STARD13: variants seen among roughly 807,000 people sequenced by gnomAD.
STARD13 encodes stAR-related lipid transfer protein 13.
STARD13 carries 62 observed loss-of-function variants against 106.4 expected under a neutral mutation model. The observed-to-expected ratio is 0.58, with a 90% CI of 0.48 to 0.72. The LOEUF (loss-of-function observed/expected upper bound fraction) is 0.72. Among genes scored for constraint, STARD13 ranks in the 30% least tolerant of loss-of-function variants. The probability of loss-of-function intolerance (pLI) is 0.00; values close to 1 mark genes in which losing one functional copy is unlikely to be tolerated. For missense variants in STARD13, 1,387 were observed against 1,424.0 expected, an observed-to-expected ratio of 0.97 and a Z score of 0.42; for synonymous variants, 565 against 553.0, an observed-to-expected ratio of 1.02 and a Z score of -0.31.
At chr13:33,413,977 G>C in the STARD13 span, among the ~76,000 whole-genome samples, 1 of 138,634 alleles carries the variant, frequency 7.2e-6, no homozygotes, top group Admixed American at 7.2e-5. Flanking sequence ...AGGTTGCAGT[G>C]AGCCAGGATT....
At chr13:33,330,635 T>C (rs898189703) in intron 1 of STARD13, among the ~76,000 whole-genome samples, 1 of 152,192 alleles carries the variant, frequency 6.6e-6, no homozygotes, top group African/African-American at 2.4e-5. Context: ...CTAAAGTAAC[T>C]ATTGCGCAAA....
intron 1 of STARD13, among the ~76,000 whole-genome samples, chr13:33,310,238 G>C (rs895683298): frequency 1.3e-5 from 2 of 152,114 alleles, no homozygotes; most frequent in East Asian, 1.9e-4. Context: ...AGGTGCTGGT[G>C]GTTCTTCCGG....
chr13:33,445,542 C>G, the STARD13 span, among the ~76,000 whole-genome samples: 1 of 152,050 alleles, frequency 6.6e-6, no homozygotes, highest in Non-Finnish European at 1.5e-5. Context: ...TCTCAAATAA[C>G]CTTTTCCTAA....
At chr13:33,365,598 A>G in the STARD13 span, among the ~76,000 whole-genome samples, 1 of 152,236 alleles carries the variant, frequency 6.6e-6, no homozygotes, top group African/African-American at 2.4e-5. Flanking sequence ...TCTAGAAGAT[A>G]AAATGCCACG....
intron 1 of STARD13, among the ~76,000 whole-genome samples, chr13:33,335,428 T>C (rs989404871): frequency 6.6e-6 from 1 of 152,174 alleles, no homozygotes. Context: ...ACGACACCCA[T>C]GAACTGTGAT....
At chr13:33,284,951 A>G (rs890271927) in intron 1 of STARD13, among the ~76,000 whole-genome samples, 29 of 152,202 alleles carry the variant, frequency 1.9e-4, no homozygotes, top group African/African-American at 6.8e-4. Context: ...ATCTGTGGCA[A>G]CTGCTGACAT....
At chr13:33,606,351 T>C in the STARD13 span, among the ~76,000 whole-genome samples, 1 of 152,222 alleles carries the variant, frequency 6.6e-6, no homozygotes, top group East Asian at 1.9e-4. Flanking sequence ...TATAAGGTTA[T>C]TGTAAGAAAG....
the STARD13 span, among the ~76,000 whole-genome samples, chr13:33,551,841 A>G: frequency 6.6e-6 from 1 of 151,248 alleles, no homozygotes; most frequent in Non-Finnish European, 1.5e-5. Context: ...CAGGTGATCC[A>G]CTCACCTTGG....
chr13:33,452,836 T>C, the STARD13 span, among the ~76,000 whole-genome samples: 1 of 152,244 alleles, frequency 6.6e-6, no homozygotes, highest in Non-Finnish European at 1.5e-5. Context: ...GGAACAGCGA[T>C]GTATATCAAC....
intron 1 of STARD13, among the ~76,000 whole-genome samples, chr13:33,302,605 C>A (rs2138469653): frequency 6.6e-6 from 1 of 152,120 alleles, no homozygotes; most frequent in Middle Eastern, 3.4e-3. Context: ...GTATTTTTGG[C>A]CATGTTGCCC....
the STARD13 span, among the ~76,000 whole-genome samples, chr13:33,645,524 T>C: frequency 6.6e-6 from 1 of 152,182 alleles, no homozygotes; most frequent in African/African-American, 2.4e-5. Flanking sequence ...GATATACCAC[T>C]TTCCTCATTG....
chr13:33,356,714 T>C, the STARD13 span, among the ~76,000 whole-genome samples: 1 of 152,320 alleles, frequency 6.6e-6, no homozygotes, highest in East Asian at 1.9e-4. Flanking sequence ...TTAATTGCTA[T>C]TGTTGTTGTT....
chr13:33,504,727 C>T, the STARD13 span, among the ~76,000 whole-genome samples: 2 of 151,996 alleles, frequency 1.3e-5, no homozygotes, highest in African/African-American at 4.8e-5. Flanking sequence ...GCACGTTGTG[C>T]ACATGTACCC....
chr13:33,277,288 T>C (rs909267422), intron 1 of STARD13: 1 of 152,098 alleles, frequency 6.6e-6, no homozygotes, highest in Admixed American at 6.6e-5. Context: ...CTAATGTGTA[T>C]CTCTTTGCCA....
chr13:33,450,601 A>G, the STARD13 span, among the ~76,000 whole-genome samples: 6 of 152,220 alleles, frequency 3.9e-5, no homozygotes, highest in South Asian at 1.2e-3. Context: ...AGACAGCTCT[A>G]TAACAAAAAG....
At chr13:33,334,817 G>A (rs1020321289) in intron 1 of STARD13, among the ~76,000 whole-genome samples, 2 of 152,134 alleles carry the variant, frequency 1.3e-5, no homozygotes, top group Non-Finnish European at 2.9e-5. Context: ...ACTAACACCT[G>A]GAAAGGTTGT....
At chr13:33,360,199 G>T in the STARD13 span, among the ~76,000 whole-genome samples, 1 of 144,446 alleles carries the variant, frequency 6.9e-6, no homozygotes, top group Non-Finnish European at 1.5e-5. Context: ...TAGTTCAAAG[G>T]CAGTCGATTT....
chr13:33,613,495 A>G, the STARD13 span, among the ~76,000 whole-genome samples: 1 of 152,198 alleles, frequency 6.6e-6, no homozygotes, highest in Non-Finnish European at 1.5e-5. Context: ...GGAAGAGAGA[A>G]GAGATAGGGT....
chr13:33,488,403 AT>A, the STARD13 span, among the ~76,000 whole-genome samples: 23 of 152,272 alleles, frequency 1.5e-4, no homozygotes, highest in African/African-American at 5.5e-4. Context: ...ATTATCTTTG[AT>A]TTGTATTTCT....
Sources: allele counts gnomAD v4.1 joint callset (sites outside exome capture counted in the v4.1 genomes callset), GRCh38; gene constraint gnomAD v4.1.1; transcripts MANE v1.5; gene names NCBI Gene and HGNC (gene_info 2026-07-23, HGNC 2026-07-21).